The following RSU1 variants were observed in gnomAD, a reference collection of about 807,000 sequenced individuals.
RSU1 encodes rsu-1.
In RSU1, 26 loss-of-function variants were observed where a neutral mutation model predicts 31.1. The observed-to-expected ratio is 0.84, with a 90% CI of 0.61 to 1.16. The LOEUF is 1.16. Ranked by LOEUF, RSU1 falls within the 50% of genes most tolerant of loss-of-function variation. The probability of loss-of-function intolerance (pLI) is 0.00; values close to 1 mark genes in which losing one functional copy is unlikely to be tolerated. For missense variants in RSU1, 320 were observed against 339.1 expected (o/e 0.94, Z 0.44); for synonymous variants, 164 against 136.3 (o/e 1.20, Z -1.41).
At chr10:16,696,729 C>G (rs1344812582) in intron 7 of RSU1, among the ~76,000 whole-genome samples, 3 of 152,150 alleles carry the variant, frequency 2.0e-5, no homozygotes, top group Non-Finnish European at 4.4e-5. Flanking sequence ...TTCTCTAAAC[C>G]ATGAGTCAGA....
intron 7 of RSU1, among the ~76,000 whole-genome samples, chr10:16,702,189 C>A (rs1165055378): frequency 6.6e-6 from 1 of 152,180 alleles, no homozygotes; most frequent in Non-Finnish European, 1.5e-5. Flanking sequence ...TAGGGAAAAG[C>A]CTGGATGTCC....
chr10:16,640,122 G>A (rs960225783), intron 8 of RSU1, among the ~76,000 whole-genome samples: 1 of 152,084 alleles, frequency 6.6e-6, no homozygotes, highest in Non-Finnish European at 1.5e-5. Flanking sequence ...GACAGGGGAA[G>A]AGAGGGAAGG....
At chr10:16,634,147 G>C (rs1176267006) in intron 8 of RSU1, among the ~76,000 whole-genome samples, 1 of 152,186 alleles carries the variant, frequency 6.6e-6, no homozygotes, top group African/African-American at 2.4e-5. Context: ...GATTAACAGA[G>C]AAAGATTTAT....
intron 8 of RSU1, among the ~76,000 whole-genome samples, chr10:16,670,860 G>A (rs1835092883): frequency 6.6e-6 from 1 of 152,068 alleles, no homozygotes; most frequent in African/African-American, 2.4e-5. Flanking sequence ...CACCTCCCAG[G>A]TTCAAGTGAT....
intron 4 of RSU1, among the ~76,000 whole-genome samples, chr10:16,758,769 C>G (rs1389189151): frequency 6.6e-6 from 1 of 152,142 alleles, no homozygotes; most frequent in African/African-American, 2.4e-5. Flanking sequence ...TAGCCCTAAG[C>G]GAGCAAGCTC....
intron 8 of RSU1, among the ~76,000 whole-genome samples, chr10:16,602,785 G>A (rs1564282713): frequency 1.3e-5 from 2 of 152,152 alleles, no homozygotes; most frequent in Non-Finnish European, 2.9e-5. Flanking sequence ...TGAAAATAAT[G>A]GAGAAAAATA....
At chr10:16,752,707 C>A in intron 6 of RSU1, 54 bp from the exon 7 acceptor site, 1 of 1,318,452 alleles carries the variant, frequency 7.6e-7, no homozygotes, top group Non-Finnish European at 1.1e-6. Flanking sequence ...AGGTGCTCCA[C>A]AGAAACTCTC....
intron 7 of RSU1, among the ~76,000 whole-genome samples, chr10:16,740,762 T>G (rs1266071163): frequency 6.6e-6 from 1 of 152,116 alleles, no homozygotes; most frequent in African/African-American, 2.4e-5. Context: ...TTAGCAAAAG[T>G]ATCAAAAACT....
rs115125932 is a variant in RSU1 at position 16,750,096 on chromosome 10, A to G, written c.598+2443T>C. 5.2e-3 allele frequency among the ~76,000 whole-genome samples: 788 copies of G among 152,298 alleles called. 11 individuals carry two copies. Among genetic ancestry groups the G allele is most frequent in the African/African-American group, 0.018 (735 of 41,558 alleles). On this transcript the variant is annotated intron_variant, in intron 7 of 8. Transcript: ENST00000345264. Reference sequence around the variant, plus strand: ...CGATAATTATAGGTGATATTGCAGGAAAAACATTTACAGTGCCTTGCAATT... The same window carrying G: ...CGATAATTATAGGTGATATTGCAGGGAAAACATTTACAGTGCCTTGCAATT...
intron 7 of RSU1, among the ~76,000 whole-genome samples, chr10:16,724,700 T>C (rs968115559): frequency 1.3e-5 from 2 of 152,184 alleles, no homozygotes; most frequent in Non-Finnish European, 2.9e-5. Context: ...TGCTCACTCA[T>C]CAACCCACTG....
intron 8 of RSU1, among the ~76,000 whole-genome samples, chr10:16,618,611 T>C (rs1834019213): frequency 6.6e-6 from 1 of 151,946 alleles, no homozygotes; most frequent in African/African-American, 2.4e-5. Context: ...ATAAAGAAAA[T>C]AGGGCACATA....
At chr10:16,769,984 C>T (rs1276514283) in intron 3 of RSU1, among the ~76,000 whole-genome samples, 1 of 152,162 alleles carries the variant, frequency 6.6e-6, no homozygotes, top group Non-Finnish European at 1.5e-5. Flanking sequence ...CTTGAATTCC[C>T]TAGCACACTG....
chr10:16,773,402 C>T (rs897649685), intron 3 of RSU1, among the ~76,000 whole-genome samples: 5 of 152,076 alleles, frequency 3.3e-5, no homozygotes, highest in Admixed American at 6.5e-5. Context: ...TTCGAAATAA[C>T]CCAACTATGG....
chr10:16,637,539 A>G (rs577752542), intron 8 of RSU1, among the ~76,000 whole-genome samples: 1 of 151,742 alleles, frequency 6.6e-6, no homozygotes, highest in African/African-American at 2.4e-5. Flanking sequence ...GTGATACTGG[A>G]GAATCCTTAG....
At chr10:16,720,260 T>C (rs1279136379) in intron 7 of RSU1, among the ~76,000 whole-genome samples, 3 of 152,202 alleles carry the variant, frequency 2.0e-5, no homozygotes, top group Non-Finnish European at 2.9e-5. Context: ...TACCTAACCA[T>C]AGTTATGACA....
chr10:16,641,628 C>T (rs748445403), intron 8 of RSU1, among the ~76,000 whole-genome samples: 1 of 152,186 alleles, frequency 6.6e-6, no homozygotes, highest in Non-Finnish European at 1.5e-5. Context: ...ATGAACCTGG[C>T]TCTCTGAAAC....
intron 8 of RSU1, among the ~76,000 whole-genome samples, chr10:16,691,428 G>A (rs1480360772): frequency 6.9e-6 from 1 of 145,494 alleles, no homozygotes; most frequent in African/African-American, 2.6e-5. Flanking sequence ...TGTCTTATCA[G>A]CTAACAGTCC....
At chr10:16,651,802 G>A (rs958090176) in intron 8 of RSU1, among the ~76,000 whole-genome samples, 1 of 152,064 alleles carries the variant, frequency 6.6e-6, no homozygotes, top group Non-Finnish European at 1.5e-5. Context: ...ACCTAATGAA[G>A]CCTTTAAAAA....
chr10:16,641,085 T>G (rs952951422), intron 8 of RSU1, among the ~76,000 whole-genome samples: 9 of 152,154 alleles, frequency 5.9e-5, no homozygotes, highest in African/African-American at 2.2e-4. Context: ...GGTTGACAGG[T>G]GCAGCAGTCC....
Sources: gnomAD v4.1 joint callset for allele counts (sites outside exome capture counted in the v4.1 genomes callset) on GRCh38, gnomAD v4.1.1 for gene constraint, MANE v1.5 for transcripts, NCBI Gene and HGNC (gene_info 2026-07-23, HGNC 2026-07-21) for gene names.